The following PCSK5 variants were observed in gnomAD, a reference collection of about 807,000 sequenced individuals.
PCSK5 encodes the protein proprotein convertase subtilisin/kexin type 5, also known as prohormone convertase 5.
In PCSK5, 129 loss-of-function variants were observed where a neutral mutation model predicts 233.2. That is an observed-to-expected ratio of 0.55 (90% CI 0.48 to 0.64). The LOEUF (loss-of-function observed/expected upper bound fraction) is 0.64. Ranked by LOEUF, PCSK5 falls within the 30% of genes least tolerant of loss-of-function variation. The pLI is 0.00. For synonymous variants in PCSK5, 825 were observed against 879.2 expected (o/e 0.94, Z 1.09); for missense variants, 2,076 against 2,430.1 (o/e 0.85, Z 3.06).
intron 13 of PCSK5, 83 bp from the exon 14 acceptor site, chr9:76,174,903 C>T: frequency 7.6e-7 from 1 of 1,309,048 alleles, no homozygotes; most frequent in Admixed American, 2.3e-5. Flanking sequence ...GTTGCTTTTT[C>T]TTGAGTGAGA....
chr9:76,022,983 C>G (rs141723738), intron 3 of PCSK5, among the ~76,000 whole-genome samples: 3 of 152,168 alleles, frequency 2.0e-5, no homozygotes, highest in African/African-American at 7.2e-5. Context: ...ACACATCTGG[C>G]TGCTGTACAG....
At chr9:75,957,356 C>G (rs891549079) in intron 2 of PCSK5, among the ~76,000 whole-genome samples, 1 of 152,078 alleles carries the variant, frequency 6.6e-6, no homozygotes, top group African/African-American at 2.4e-5. Context: ...AGAAAAAGAT[C>G]GTAACATTCT....
intron 1 of PCSK5, among the ~76,000 whole-genome samples, chr9:75,898,690 C>G (rs1401947724): frequency 6.7e-6 from 1 of 150,106 alleles, no homozygotes; most frequent in Non-Finnish European, 1.5e-5. Flanking sequence ...CACTAGAGAT[C>G]AGGTTTTATA....
chr9:75,967,702 A>G (rs1587433668), intron 2 of PCSK5, among the ~76,000 whole-genome samples: 2 of 152,204 alleles, frequency 1.3e-5, no homozygotes, highest in South Asian at 2.1e-4. Flanking sequence ...TGCTAAAGAC[A>G]TGTCATTTGG....
intron 8 of PCSK5, among the ~76,000 whole-genome samples, chr9:76,106,602 G>A (rs1462464260): frequency 6.6e-6 from 1 of 152,216 alleles, no homozygotes. Flanking sequence ...CTTACACTTA[G>A]TGCTGTAATT....
intron 1 of PCSK5, among the ~76,000 whole-genome samples, chr9:75,901,521 G>T (rs979383739): frequency 6.6e-6 from 1 of 151,918 alleles, no homozygotes; most frequent in Admixed American, 6.6e-5. Flanking sequence ...CCTAATGCAT[G>T]CAGGGCTTAA....
At chr9:76,125,641 T>G (rs1832818388) in intron 9 of PCSK5, among the ~76,000 whole-genome samples, 1 of 152,192 alleles carries the variant, frequency 6.6e-6, no homozygotes, top group African/African-American at 2.4e-5. Context: ...CATCTACTAC[T>G]CTGTACTTTT....
At position 76,026,956 on chromosome 9, in the gene PCSK5, C is replaced by T. The variant is rs779677268; in HGVS notation, c.556-5C>T. The T allele has an allele frequency of 1.9e-5, 30 of 1,601,790 alleles. No individual in the cohort carries two copies. The South Asian group carries it at 3.3e-4, about 18-fold the overall frequency. On this transcript the variant is annotated splice_region_variant and splice_polypyrimidine_tract_variant and intron_variant, in intron 4 of 37. Coordinates refer to ENST00000674117, the MANE Select transcript of PCSK5 (RefSeq NM_001372043.1). ...TTTCCCTTGCTCTCTCCTCTGTGGC[C>T]ATAGGATGCTCTGGCAAGTTGCGAC...
At chr9:75,943,649 C>A (rs1045889371) in intron 2 of PCSK5, among the ~76,000 whole-genome samples, 2 of 152,186 alleles carry the variant, frequency 1.3e-5, no homozygotes, top group Admixed American at 6.5e-5. Flanking sequence ...TTCCTACTGT[C>A]ATTCCTGTAG....
chr9:76,274,513 A>C (rs1252648050), intron 24 of PCSK5, among the ~76,000 whole-genome samples: 1 of 151,360 alleles, frequency 6.6e-6, no homozygotes, highest in Non-Finnish European at 1.5e-5. Flanking sequence ...TTTACCCATG[A>C]AAATACTTTA....
chr9:76,022,747 C>G (rs954020615), intron 3 of PCSK5, among the ~76,000 whole-genome samples: 1 of 152,170 alleles, frequency 6.6e-6, no homozygotes, highest in Non-Finnish European at 1.5e-5. Flanking sequence ...ATAATGAGCT[C>G]AGGTTCCATG....
intron 5 of PCSK5, among the ~76,000 whole-genome samples, chr9:76,062,950 A>C (rs1830083189): frequency 6.6e-6 from 1 of 152,014 alleles, no homozygotes; most frequent in South Asian, 2.1e-4. Flanking sequence ...CTCATCCCCC[A>C]CACAGTCCTA....
At chr9:75,992,950 A>G (rs527266685) in intron 3 of PCSK5, among the ~76,000 whole-genome samples, 2 of 152,296 alleles carry the variant, frequency 1.3e-5, no homozygotes, top group Non-Finnish European at 2.9e-5. Flanking sequence ...TAGCTAGGAT[A>G]GTAATTGTGA....
intron 9 of PCSK5, among the ~76,000 whole-genome samples, chr9:76,116,232 T>C (rs763410014): frequency 1.7e-4 from 26 of 152,054 alleles, no homozygotes; most frequent in Non-Finnish European, 3.5e-4. Flanking sequence ...AGCAGCACAT[T>C]CATAGTGAAA....
intron 24 of PCSK5, among the ~76,000 whole-genome samples, chr9:76,284,902 A>G (rs1229347654): frequency 6.6e-6 from 1 of 152,212 alleles, no homozygotes; most frequent in Non-Finnish European, 1.5e-5. Flanking sequence ...GCACTAATAC[A>G]TTCATGCACT....
intron 7 of PCSK5, among the ~76,000 whole-genome samples, chr9:76,075,197 G>T (rs530892173): frequency 2.6e-5 from 4 of 151,982 alleles, no homozygotes; most frequent in Admixed American, 6.6e-5. Context: ...TCCAGCCTGG[G>T]CAACAGAGTA....
At chr9:76,058,951 A>C (rs921832844) in intron 5 of PCSK5, among the ~76,000 whole-genome samples, 4 of 151,180 alleles carry the variant, frequency 2.6e-5, no homozygotes, top group Non-Finnish European at 4.4e-5. Flanking sequence ...TTGAGGCCAG[A>C]CTGGGCAACT....
At chr9:76,075,231 A>AATAATAAT (rs1830605648) in intron 7 of PCSK5, among the ~76,000 whole-genome samples, 1 of 151,732 alleles carries the variant, frequency 6.6e-6, no homozygotes, top group African/African-American at 2.4e-5. Context: ...ATAAAATAAT[A>AATAATAAT]ATAATAATAA....
chr9:75,971,881 TTACTC>T (rs1265597325), intron 2 of PCSK5, among the ~76,000 whole-genome samples: 1 of 152,194 alleles, frequency 6.6e-6, no homozygotes, highest in Non-Finnish European at 1.5e-5. Context: ...GGTTGCCTGT[TTACTC>T]TGATCATAGT....
Sources: allele counts gnomAD v4.1 joint callset (sites outside exome capture counted in the v4.1 genomes callset), GRCh38; gene constraint gnomAD v4.1.1; transcripts MANE v1.5; gene names NCBI Gene and HGNC (gene_info 2026-07-23, HGNC 2026-07-21).